Variants in TMOD1 observed in about 807,000 individuals in gnomAD.
TMOD1 encodes tropomodulin 1, also known as tropomodulin-1.
A neutral mutation model predicts 40.6 loss-of-function variants in TMOD1; 17 were observed. The ratio of observed to expected loss-of-function variants is 0.42; its 90% CI spans 0.29 to 0.63. The LOEUF is 0.63. Ranked by LOEUF, TMOD1 falls within the 20% of genes least tolerant of loss-of-function variation. TMOD1 has a pLI of 0.22. For missense variants in TMOD1, 391 were observed against 447.6 expected (o/e 0.87, Z 1.14); for synonymous variants, 181 against 175.0 (o/e 1.03, Z -0.27).
intron 9 of TMOD1, among the ~76,000 whole-genome samples, chr9:97,596,644 T>C (rs527308498): frequency 6.6e-6 from 1 of 152,328 alleles, no homozygotes; most frequent in East Asian, 1.9e-4. Context: ...CATTGGGAGA[T>C]GGTCCCATCA....
At chr9:97,510,700 T>C (rs1409929217) in intron 1 of TMOD1, among the ~76,000 whole-genome samples, 1 of 152,204 alleles carries the variant, frequency 6.6e-6, no homozygotes, top group African/African-American at 2.4e-5. Context: ...TGTCCTCAGG[T>C]AGCTTTTAGT....
intron 8 of TMOD1, among the ~76,000 whole-genome samples, chr9:97,579,889 G>C (rs902417805): frequency 1.3e-5 from 2 of 152,188 alleles, no homozygotes; most frequent in African/African-American, 4.8e-5. Context: ...GGAATTTGCA[G>C]TGCATATTAA....
At chr9:97,580,435 T>G (rs1825722526) in intron 8 of TMOD1, among the ~76,000 whole-genome samples, 1 of 152,012 alleles carries the variant, frequency 6.6e-6, no homozygotes, top group Non-Finnish European at 1.5e-5. Flanking sequence ...TGAAATCCCA[T>G]CTCTACTAAA....
At chr9:97,511,085 GACACACAC>G (rs57982813) in intron 1 of TMOD1, among the ~76,000 whole-genome samples, 2 of 144,318 alleles carry the variant, frequency 1.4e-5, no homozygotes, top group African/African-American at 5.0e-5. Flanking sequence ...CACACACACA[GACACACAC>G]ACACACACAC....
intron 9 of TMOD1, among the ~76,000 whole-genome samples, chr9:97,595,198 G>A (rs1294013072): frequency 6.6e-6 from 1 of 152,210 alleles, no homozygotes; most frequent in Non-Finnish European, 1.5e-5. Context: ...AAGTGAATTA[G>A]CATATCATCA....
At chr9:97,562,937 C>G in intron 5 of TMOD1, 116 bp downstream of exon 5, 1 of 764,984 alleles carries the variant, frequency 1.3e-6, no homozygotes, top group South Asian at 1.9e-5. Context: ...TCTGTTCATC[C>G]TTTCCTTTGA....
chr9:97,591,522 G>A (rs1826001659), intron 9 of TMOD1, 87 bp downstream of exon 9: 3 of 1,448,524 alleles, frequency 2.1e-6, no homozygotes, highest in African/African-American at 2.9e-5. Context: ...TTCTGTAGAT[G>A]CCTCTCCGAG....
intron 2 of TMOD1, among the ~76,000 whole-genome samples, chr9:97,543,156 C>T (rs902269368): frequency 2.4e-4 from 36 of 152,224 alleles, no homozygotes; most frequent in African/African-American, 8.2e-4. Context: ...TTTCTTCTAT[C>T]GCAATACTTA....
chr9:97,550,046 C>A (rs1830425133), intron 3 of TMOD1, among the ~76,000 whole-genome samples: 1 of 152,172 alleles, frequency 6.6e-6, no homozygotes, highest in Non-Finnish European at 1.5e-5. Flanking sequence ...GTTAGTTACT[C>A]TCCCACTCCC....
At chr9:97,550,663 A>G (rs1487178790) in intron 3 of TMOD1, among the ~76,000 whole-genome samples, 11 of 152,294 alleles carry the variant, frequency 7.2e-5, no homozygotes, top group African/African-American at 2.4e-4. Context: ...GGCCATATGT[A>G]TATCCTCTTT....
At chr9:97,504,248 T>C (rs1407140425) in intron 1 of TMOD1, among the ~76,000 whole-genome samples, 1 of 152,100 alleles carries the variant, frequency 6.6e-6, no homozygotes, top group Non-Finnish European at 1.5e-5. Flanking sequence ...GAGCCTGATA[T>C]TGCAATGATA....
At chr9:97,554,696 C>A (rs1183905615) in intron 4 of TMOD1, among the ~76,000 whole-genome samples, 2 of 151,856 alleles carry the variant, frequency 1.3e-5, no homozygotes, top group Non-Finnish European at 2.9e-5. Flanking sequence ...TCAGGGCTGG[C>A]CAGGAGACTC....
At chr9:97,509,538 T>C (rs1253680565) in intron 1 of TMOD1, among the ~76,000 whole-genome samples, 1 of 146,762 alleles carries the variant, frequency 6.8e-6, no homozygotes, top group Non-Finnish European at 1.5e-5. Flanking sequence ...TTAGACAAGG[T>C]CTCACTCTTT....
rs1427829072 is a variant in TMOD1, at chr9:97,599,934, A to G, written c.*236A>G. ...TGAATCTGGTTATTATTTAAAAACTAGAAGCCCCCAAACCAGCAGATCTTA... is the reference window on the plus strand; with the variant it reads ...TGAATCTGGTTATTATTTAAAAACTGGAAGCCCCCAAACCAGCAGATCTTA... On this transcript the variant is annotated 3_prime_UTR_variant, in exon 10 of 10. Coordinates refer to ENST00000259365, the MANE Select transcript of TMOD1 (RefSeq NM_003275.4). The G allele has an allele frequency of 7.7e-7, 1 of 1,291,830 alleles. No homozygotes were observed. The highest frequency in any genetic ancestry group is 9.9e-7 in the Non-Finnish European group (1 of 1,012,146). The allele number at this position is 1,291,830 out of a possible 1,614,324, so 80.0% of individuals were successfully genotyped here. A position where few individuals can be genotyped will look rare whatever the true frequency, so the allele number is the denominator to read the frequency against.
intron 8 of TMOD1, among the ~76,000 whole-genome samples, chr9:97,586,694 A>C (rs1431858954): frequency 6.6e-6 from 1 of 152,206 alleles, no homozygotes; most frequent in African/African-American, 2.4e-5. Flanking sequence ...CAGGTGCGGG[A>C]TATAATCTCG....
At position 97,564,158 on chromosome 9, in the gene TMOD1, A is replaced by G; in HGVS notation, c.608A>G (p.Asn203Ser). 1 of 1,602,164 alleles carries G rather than the reference A, an allele frequency of 6.2e-7. No individual in the cohort carries two copies. Residue 203 changes from asparagine (N) to serine (S), a missense_variant, in exon 6 of 10, where the codon AAT becomes AGT. By Grantham distance (46) the Asn-to-Ser change is conservative. Coordinates refer to ENST00000259365, the MANE Select transcript of TMOD1 (RefSeq NM_003275.4). The stretch of plus-strand genomic sequence containing the variant: ...CCAAAACTTGAAGAAGTTAACCTCA[A>G]TAATATCCGGGTAAGGTCCATTTAT... ...NDPKLEEVNLNNIRNIPIPTL... is the reference protein window; with the variant it reads ...NDPKLEEVNLSNIRNIPIPTL...
intron 9 of TMOD1, among the ~76,000 whole-genome samples, chr9:97,597,309 TC>T (rs1826130160): frequency 6.6e-6 from 1 of 152,216 alleles, no homozygotes; most frequent in Non-Finnish European, 1.5e-5. Flanking sequence ...TACTTCCCTC[TC>T]CTGGTCTCAA....
Position 97,546,314 on chromosome 9 carries a change from C to A in TMOD1, c.250C>A (p.Leu84Met). The change falls in exon 3 of 10, where the codon CTG becomes ATG. Residue 84 changes from leucine to methionine, a missense_variant. By Grantham distance (15) the Leu-to-Met change is conservative (BLOSUM62 2). Coordinates refer to ENST00000259365, the MANE Select transcript of TMOD1 (RefSeq NM_003275.4). ...QAKEFKDRED[L>M]VPYTGEKRGK... ...AAAGGAGTTTAAGGACCGAGAAGAT[C>A]TGGTCCCCTACACAGGGGAAAAACG... 1 of 1,614,010 alleles carries A rather than the reference C, an allele frequency of 6.2e-7. No homozygotes were observed. The highest frequency in any genetic ancestry group is 8.5e-7 in the Non-Finnish European group (1 of 1,179,982).
intron 9 of TMOD1, 129 bp downstream of exon 9, chr9:97,591,564 C>T (rs760154914): frequency 1.0e-4 from 121 of 1,175,154 alleles, no homozygotes; most frequent in Admixed American, 4.9e-4. Flanking sequence ...ACATTGATCG[C>T]GTCTTCCTTG....
Sources: allele counts gnomAD v4.1 joint callset (sites outside exome capture counted in the v4.1 genomes callset), GRCh38; gene constraint gnomAD v4.1.1; transcripts MANE v1.5; gene names NCBI Gene and HGNC (gene_info 2026-07-23, HGNC 2026-07-21).